Variants in PPM1N observed in about 807,000 individuals in gnomAD.
PPM1N encodes probable protein phosphatase 1N.
In PPM1N, 35 loss-of-function variants were observed where a neutral mutation model predicts 32.6. The observed-to-expected ratio is 1.07, with a 90% CI of 0.82 to 1.43. The LOEUF is 1.43. Ranked by LOEUF, PPM1N falls within the 40% of genes most tolerant of loss-of-function variation. The pLI is 0.00. For synonymous variants in PPM1N, 275 were observed against 270.5 expected (o/e 1.02, Z -0.16); for missense variants, 648 against 606.6 (o/e 1.07, Z -0.72).
chr19:45,499,457 G>A (rs2122245556), intron 1 of PPM1N, 46 bp downstream of exon 1: 2 of 1,599,102 alleles, frequency 1.3e-6, no homozygotes, highest in South Asian at 1.1e-5. Context: ...GTGCAGCAGA[G>A]GGAGAGAGCC....
chr19:45,502,323 A>AAC lies in PPM1N; in HGVS notation c.*239_*240insCA. On this transcript the variant is annotated 3_prime_UTR_variant, in exon 5 of 5. Coordinates refer to ENST00000451287, the MANE Select transcript of PPM1N (RefSeq NM_001080401.2). ...AGCCCAAATCGAAAAAAAAAAAAAA[A>AAC]AAAAAAAAAAACAAAAAAACCCAAC... 3.7e-6 allele frequency: 2 copies of AAC among 534,552 alleles called. No individual in the cohort carries two copies. The highest frequency in any genetic ancestry group is 6.5e-6 in the Non-Finnish European group (2 of 309,280). 33.1% of individuals were successfully genotyped at this position (534,552 alleles called of 1,614,324 possible).
At chr19:45,499,828 G>A in intron 1 of PPM1N, 121 bp from the exon 2 acceptor site, 4 of 1,495,162 alleles carry the variant, frequency 2.7e-6, no homozygotes, top group Non-Finnish European at 3.6e-6. Context: ...TTGGCAGGTG[G>A]GTGGGACGCG....
rs1968396040 is a variant in PPM1N at position 45,500,520 on chromosome 19, GGACA to G, written c.1123_1126del (p.Asp375SerfsTer94). The G allele has an allele frequency of 6.2e-7, 1 of 1,611,864 alleles. No individual in the cohort carries two copies. Among genetic ancestry groups the G allele is most frequent in the Non-Finnish European group, 8.5e-7 (1 of 1,179,020 alleles). On this transcript the variant is annotated frameshift_variant, in exon 3 of 5. Coordinates refer to ENST00000451287, the MANE Select transcript of PPM1N (RefSeq NM_001080401.2). LOFTEE classifies it high-confidence loss of function. ...CAGTTTTCAGGACTCTGGCCTCAGA[GGACA>G]TCCCAGATTTACCTCCTGGGGGAGG...
chr19:45,499,456 A>T (rs1244460991), intron 1 of PPM1N, 45 bp downstream of exon 1: 1 of 1,598,532 alleles, frequency 6.3e-7, no homozygotes, highest in East Asian at 2.2e-5. Context: ...GGTGCAGCAG[A>T]GGGAGAGAGC....
rs758338565 is a variant in PPM1N at position 45,498,743 on chromosome 19, G to A, written c.271G>A (p.Gly91Ser). 1.3e-6 allele frequency: 2 copies of A among 1,555,834 alleles called. No homozygotes were observed. The highest frequency in any genetic ancestry group is 2.4e-5 in the South Asian group (2 of 83,418). ...TCACTGCACTTGGCTTTCGTTACCT[G>A]GTCTGCCCCCGGGCTGGGCCTTGTT... ...DAHCTWLSLP[G>S]LPPGWALFAV... The change falls in exon 1 of 5, where the codon GGT becomes AGT. Residue 91 changes from glycine to serine, a missense_variant. Coordinates refer to ENST00000451287, the MANE Select transcript of PPM1N (RefSeq NM_001080401.2).
rs1204095927 is a variant in PPM1N at position 45,502,328 on chromosome 19, AAAAAAAC to A, written c.*250_*256del. 270 of 487,782 alleles carry A rather than the reference AAAAAAAC, an allele frequency of 5.5e-4. 13 individuals carry two copies. The highest frequency in any genetic ancestry group is 5.4e-3 in the African/African-American group (214 of 39,856). The allele number at this position is 487,782 out of a possible 1,614,324, so 30.2% of individuals were successfully genotyped here. A position where few individuals can be genotyped will look rare whatever the true frequency, so the allele number is the denominator to read the frequency against. ...AAATCGAAAAAAAAAAAAAAAAAAAAAAAAAACAAAAAAACCCAACCAAATGTTTTTG... is the reference window on the plus strand; with the variant it reads ...AAATCGAAAAAAAAAAAAAAAAAAAAAAAAAAACCCAACCAAATGTTTTTG... On this transcript the variant is annotated 3_prime_UTR_variant, in exon 5 of 5. Coordinates refer to ENST00000451287, the MANE Select transcript of PPM1N (RefSeq NM_001080401.2).
rs1301336753 is a variant in PPM1N at position 45,498,571 on chromosome 19, G to C, written c.99G>C (p.Glu33Asp). Residue 33 changes from glutamate to aspartate, a missense_variant, in exon 1 of 5, where the codon GAG becomes GAC. Glu to Asp is a conservative substitution (Grantham distance 45, BLOSUM62 2). Transcript: ENST00000451287. Reference sequence around the variant, plus strand: ...GGAGGGAGGAAGAGGAGGAGGAGGAGGCGGGGCGCAGGGCCCCCGAAGGGC... The same window carrying C: ...GGAGGGAGGAAGAGGAGGAGGAGGACGCGGGGCGCAGGGCCCCCGAAGGGC... ...KEGREEEEEE[E>D]AGRRAPEGPR... 37 of 1,461,090 alleles carry C rather than the reference G, an allele frequency of 2.5e-5. No homozygotes were observed. Among genetic ancestry groups the C allele is most frequent in the Non-Finnish European group, 3.3e-5 (37 of 1,111,546 alleles). 90.5% of individuals were successfully genotyped at this position (1,461,090 alleles called of 1,614,324 possible). A position where few individuals can be genotyped will look rare whatever the true frequency, so the allele number is the denominator to read the frequency against.
chr19:45,502,036 G>A lies in PPM1N; in HGVS notation c.1244G>A (p.Gly415Glu). Residue 415 changes from glycine to glutamate, a missense_variant, in exon 5 of 5, where the codon GGG becomes GAG. Transcript: ENST00000451287. The stretch of plus-strand genomic sequence containing the variant: ...TTACAGAAGGGGCAGGATGGGGCTG[G>A]GAAGTCCAACCCCACGCATTTGGGC... ...ECGEKGQDGA[G>E]KSNPTHLGSA... The A allele has an allele frequency of 1.3e-6, 2 of 1,534,732 alleles. No homozygotes were observed. The highest frequency in any genetic ancestry group is 1.3e-5 in the South Asian group (1 of 79,766).
rs1968340532 is a variant in PPM1N, at chr19:45,498,468, G to T, written c.-5G>T. 6 of 1,349,718 alleles carry T rather than the reference G, an allele frequency of 4.4e-6. No individual in the cohort carries two copies. The highest frequency in any genetic ancestry group is 4.1e-5 in the Admixed American group (1 of 24,674). 83.6% of individuals were successfully genotyped at this position (1,349,718 alleles called of 1,614,324 possible). On this transcript the variant is annotated 5_prime_UTR_variant, in exon 1 of 5. Transcript: ENST00000451287. ...GTGGAGCCTTCCTGATCCCAGGGCT[G>T]AAGGATGGCGGTCCTGGCCCGCCAG... is the stretch of plus-strand genomic sequence containing the variant.
At chr19:45,499,755 G>A in intron 1 of PPM1N, 194 bp from the exon 2 acceptor site, 1 of 1,519,498 alleles carries the variant, frequency 6.6e-7, no homozygotes, top group African/African-American at 1.4e-5. Flanking sequence ...GAGCTTTAGG[G>A]AAAAGGCATT....
Position 45,499,073 on chromosome 19 carries a change from C to G in PPM1N, c.601C>G (p.Arg201Gly), listed in dbSNP as rs772491110. 97 of 1,518,184 alleles carry G rather than the reference C, an allele frequency of 6.4e-5. No homozygotes were observed. The East Asian group carries it at 2.1e-3, about 33-fold the overall frequency. The allele number at this position is 1,518,184 out of a possible 1,614,324, so 94.0% of individuals were successfully genotyped here. A position where few individuals can be genotyped will look rare whatever the true frequency, so the allele number is the denominator to read the frequency against. The change falls in exon 1 of 5, where the codon CGG becomes GGG. Residue 201 changes from arginine to glycine, a missense_variant. Arg to Gly is a moderately radical substitution (Grantham distance 125). Transcript: ENST00000451287. ...GAVAFSTEDH[R>G]PLRPRERERI... The stretch of plus-strand genomic sequence containing the variant: ...CGTGGCCTTCAGCACAGAGGACCAC[C>G]GGCCCCTTCGACCCCGGGAACGCGA...
At chr19:45,501,790 A>C (rs2122253535) in intron 4 of PPM1N, among the ~76,000 whole-genome samples, 1 of 152,156 alleles carries the variant, frequency 6.6e-6, no homozygotes, top group East Asian at 1.9e-4. Context: ...CCGGAGTTGC[A>C]GCAGTGGTCT....
At chr19:45,500,609 G>A in intron 3 of PPM1N, 41 bp from the exon 4 acceptor site, 7 of 1,591,014 alleles carry the variant, frequency 4.4e-6, no homozygotes, top group Non-Finnish European at 6.0e-6. Flanking sequence ...TGGGGTGGAA[G>A]GAGGAGAGTC....
At position 45,498,701 on chromosome 19, in the gene PPM1N, G is replaced by A; in HGVS notation, c.229G>A (p.Ala77Thr). ...GGCGAGCGCAGCGCAAGGCTGGCGC[G>A]CGCGCATGGAGGATGCTCACTGCAC... The part of the protein sequence containing the change: ...FGASAAQGWR[A>T]RMEDAHCTWL... The change falls in exon 1 of 5, where the codon GCG (alanine) becomes ACG (threonine). Residue 77 changes from alanine to threonine, a missense_variant. Coordinates refer to ENST00000451287, the MANE Select transcript of PPM1N (RefSeq NM_001080401.2). 1.3e-6 allele frequency: 2 copies of A among 1,496,054 alleles called. No individual in the cohort carries two copies. Among genetic ancestry groups the A allele is most frequent in the Non-Finnish European group, 8.9e-7 (1 of 1,125,594 alleles). 92.7% of individuals were successfully genotyped at this position (1,496,054 alleles called of 1,614,324 possible).
chr19:45,500,067 G>T lies in PPM1N; in HGVS notation c.1057+1G>T. ...GCAGCCCTGGGCTGCAGAATCGCTG[G>T]TGAGCAGACTCTGGGGGCCCAGCTG... is the stretch of plus-strand genomic sequence containing the variant. On this transcript the variant is annotated splice_donor_variant, in intron 2 of 4. Transcript: ENST00000451287. LOFTEE classifies it high-confidence loss of function. The T allele has an allele frequency of 6.3e-7, 1 of 1,586,706 alleles. No individual in the cohort carries two copies. The highest frequency in any genetic ancestry group is 8.6e-7 in the Non-Finnish European group (1 of 1,165,154).
chr19:45,500,064 C>T lies in PPM1N; in HGVS notation c.1055C>T (p.Ala352Val). 1 of 1,588,438 alleles carries T rather than the reference C, an allele frequency of 6.3e-7. No homozygotes were observed. The highest frequency in any genetic ancestry group is 8.6e-7 in the Non-Finnish European group (1 of 1,166,170). The change falls in exon 2 of 5, where the codon GCT becomes GTT. Residue 352 changes from alanine to valine, a missense_variant and splice_region_variant. Physicochemically the swap from Ala to Val is moderately conservative, Grantham distance 64. Coordinates refer to ENST00000451287, the MANE Select transcript of PPM1N (RefSeq NM_001080401.2). ...GACGCAGCCCTGGGCTGCAGAATCG[C>T]TGGTGAGCAGACTCTGGGGGCCCAG... ...ALDAALGCRI[A>V]ELCASAQKPP...
At chr19:45,500,374 A>G in intron 2 of PPM1N, 82 bp from the exon 3 acceptor site, 1 of 1,268,204 alleles carries the variant, frequency 7.9e-7, no homozygotes, top group Non-Finnish European at 1.1e-6. Context: ...GCCTCAAGTG[A>G]TCCGCCCGCC....
At chr19:45,501,298 G>A (rs1968410695) in intron 4 of PPM1N, among the ~76,000 whole-genome samples, 1 of 152,184 alleles carries the variant, frequency 6.6e-6, no homozygotes, top group Non-Finnish European at 1.5e-5. Context: ...AGCTGTAATG[G>A]GGCCCAGATA....
At position 45,498,798 on chromosome 19, in the gene PPM1N, G is replaced by A. The variant is rs1968352781; in HGVS notation, c.326G>A (p.Arg109Gln). The change falls in exon 1 of 5, where the codon CGA becomes CAA. Residue 109 changes from arginine to glutamine, a missense_variant. By Grantham distance (43) the Arg-to-Gln change is conservative. Coordinates refer to ENST00000451287, the MANE Select transcript of PPM1N (RefSeq NM_001080401.2). Reference sequence around the variant, plus strand: ...GTCCTCGACGGCCACGGTGGGGCTCGAGCTGCCCGCTTCGGTGCACGCCAT... The same window carrying A: ...GTCCTCGACGGCCACGGTGGGGCTCAAGCTGCCCGCTTCGGTGCACGCCAT... ...FAVLDGHGGARAARFGARHLP... is the reference protein window; with the variant it reads ...FAVLDGHGGAQAARFGARHLP... 1.1e-5 allele frequency: 17 copies of A among 1,550,244 alleles called. No individual in the cohort carries two copies. Among genetic ancestry groups the A allele is most frequent in the East Asian group, 2.5e-5 (1 of 40,170 alleles).
Sources: allele counts gnomAD v4.1 joint callset (sites outside exome capture counted in the v4.1 genomes callset), GRCh38; gene constraint gnomAD v4.1.1; transcripts MANE v1.5; gene names NCBI Gene and HGNC (gene_info 2026-07-23, HGNC 2026-07-21).